GAP43: variants seen among roughly 807,000 people sequenced by gnomAD.
The protein encoded by GAP43 is growth associated protein 43.
Under a neutral mutation model 18.6 loss-of-function variants are expected in GAP43, and 6 were observed. The observed-to-expected ratio is 0.32, with a 90% CI of 0.18 to 0.64. The LOEUF (loss-of-function observed/expected upper bound fraction) is 0.64. GAP43 is among the 30% of genes least tolerant of loss of function. The pLI is 0.78. For synonymous variants in GAP43, 115 were observed against 111.4 expected (o/e 1.03, Z -0.20); for missense variants, 292 against 295.5 (o/e 0.99, Z 0.09).
intron 1 of GAP43, among the ~76,000 whole-genome samples, chr3:115,629,234 G>A (rs920230116): frequency 6.6e-6 from 1 of 152,136 alleles, no homozygotes. Flanking sequence ...TCTATGTGGA[G>A]TTCTACCACC....
At chr3:115,650,475 C>T (rs940132956) in intron 1 of GAP43, among the ~76,000 whole-genome samples, 2 of 152,036 alleles carry the variant, frequency 1.3e-5, no homozygotes, top group African/African-American at 2.4e-5. Context: ...CATCTGGGAT[C>T]CCCCTCTCTC....
intron 1 of GAP43, among the ~76,000 whole-genome samples, chr3:115,651,690 C>T (rs182648049): frequency 1.4e-4 from 22 of 152,272 alleles, no homozygotes; most frequent in African/African-American, 4.3e-4. Context: ...TTATCTGGCC[C>T]GTGCTTTTCT....
rs1708531283 is a variant in GAP43 at position 115,652,389 on chromosome 3, A to ATTTTTT, written c.31-23623_31-23622insTTTTTT. On this transcript the variant is annotated intron_variant, in intron 1 of 2. Transcript: ENST00000305124. The stretch of plus-strand genomic sequence containing the variant: ...TTTTTTTTTTTTTTTTTTTTTTGTG[A>ATTTTTT]TAGAGTCTTGCTCTGTTGAGTCTTG... 5.9e-3 allele frequency among the ~76,000 whole-genome samples: 150 copies of ATTTTTT among 25,566 alleles called. 1 individual carries two copies. Among genetic ancestry groups the ATTTTTT allele is most frequent in the African/African-American group, 9.4e-3 (81 of 8,608 alleles). The allele number at this position is 25,566 out of a possible 152,430, so 16.8% of individuals were successfully genotyped here.
intron 1 of GAP43, among the ~76,000 whole-genome samples, chr3:115,632,527 A>G (rs1452269024): frequency 6.6e-6 from 1 of 152,216 alleles, no homozygotes; most frequent in Non-Finnish European, 1.5e-5. Flanking sequence ...CATGACTGGG[A>G]TAAATTACCA....
chr3:115,629,339 C>G (rs1299701494), intron 1 of GAP43, among the ~76,000 whole-genome samples: 2 of 151,480 alleles, frequency 1.3e-5, no homozygotes, highest in East Asian at 3.9e-4. Context: ...AATATAAACT[C>G]TTCAGCATCA....
rs527761173 is a variant in GAP43, at chr3:115,669,352, C to T, written c.31-6661C>T. Among the ~76,000 whole-genome samples the T allele has an allele frequency of 4.6e-5, 7 of 152,188 alleles. No individual in the cohort carries two copies. In the South Asian group the frequency reaches 8.3e-4, roughly 18 times the overall value. ...GGATTTTAACAAAAATTGACAAAAT[C>T]GAATCCAGATTTCTTCACCTGTCAT... On this transcript the variant is annotated intron_variant, in intron 1 of 2. Coordinates refer to ENST00000305124, the MANE Select transcript of GAP43 (RefSeq NM_002045.4).
chr3:115,648,230 C>A (rs1245681117), intron 1 of GAP43, among the ~76,000 whole-genome samples: 11 of 152,060 alleles, frequency 7.2e-5, no homozygotes, highest in African/African-American at 2.4e-4. Flanking sequence ...GGACTGCTGG[C>A]TGTATACCTC....
intron 1 of GAP43, among the ~76,000 whole-genome samples, chr3:115,661,662 G>C (rs556976186): frequency 6.6e-6 from 1 of 151,644 alleles, no homozygotes; most frequent in African/African-American, 2.4e-5. Flanking sequence ...CTAATTTTTC[G>C]TATTTTTAGT....
chr3:115,698,098 TAA>T (rs1471398757), intron 2 of GAP43, among the ~76,000 whole-genome samples: 2 of 50,118 alleles, frequency 4.0e-5, no homozygotes, highest in South Asian at 5.4e-4. Flanking sequence ...GTATTATATA[TAA>T]TATATAAAAT....
At chr3:115,637,936 C>G (rs544297193) in intron 1 of GAP43, among the ~76,000 whole-genome samples, 2 of 151,940 alleles carry the variant, frequency 1.3e-5, no homozygotes, top group Admixed American at 6.6e-5. Flanking sequence ...AATAAAAAAC[C>G]TTTTCATTCC....
intron 1 of GAP43, among the ~76,000 whole-genome samples, chr3:115,635,130 T>C (rs1464730779): frequency 6.6e-6 from 1 of 152,072 alleles, no homozygotes; most frequent in East Asian, 1.9e-4. Context: ...AAATGCAACA[T>C]CTGCAATATT....
At chr3:115,651,657 G>C (rs1180972175) in intron 1 of GAP43, among the ~76,000 whole-genome samples, 4 of 152,120 alleles carry the variant, frequency 2.6e-5, no homozygotes, top group African/African-American at 9.7e-5. Context: ...CACCTCAAAA[G>C]CATATAGTAA....
At chr3:115,698,531 C>A (rs959702851) in intron 2 of GAP43, among the ~76,000 whole-genome samples, 1 of 150,640 alleles carries the variant, frequency 6.6e-6, no homozygotes, top group African/African-American at 2.4e-5. Flanking sequence ...CAGCTGTAGA[C>A]AATCTTTGGT....
At chr3:115,718,266 G>C (rs1056031198) in intron 2 of GAP43, among the ~76,000 whole-genome samples, 3 of 152,068 alleles carry the variant, frequency 2.0e-5, no homozygotes, top group Non-Finnish European at 4.4e-5. Flanking sequence ...TTGCTTCTTG[G>C]AACTGATAAG....
At chr3:115,681,577 G>A (rs535132304) in intron 2 of GAP43, among the ~76,000 whole-genome samples, 54 of 152,144 alleles carry the variant, frequency 3.5e-4, no homozygotes, top group Non-Finnish European at 6.2e-4. Context: ...CTACCAACCA[G>A]ATTTTAGGCA....
At chr3:115,678,199 G>T (rs1414356090) in intron 2 of GAP43, among the ~76,000 whole-genome samples, 1 of 152,136 alleles carries the variant, frequency 6.6e-6, no homozygotes, top group East Asian at 1.9e-4. Context: ...TGAGCCTCAG[G>T]TATGATGTCT....
intron 1 of GAP43, among the ~76,000 whole-genome samples, chr3:115,640,926 T>TC (rs1431267511): frequency 1.0e-5 from 1 of 100,498 alleles, no homozygotes; most frequent in African/African-American, 2.9e-5. Flanking sequence ...TCTTTCCTTC[T>TC]TTTTTTCCTT....
chr3:115,636,697 C>T (rs1372386069), intron 1 of GAP43, among the ~76,000 whole-genome samples: 1 of 152,072 alleles, frequency 6.6e-6, no homozygotes, highest in Non-Finnish European at 1.5e-5. Flanking sequence ...TCTTTGTTTA[C>T]AAGGTTAATT....
chr3:115,685,925 G>A (rs1278492396), intron 2 of GAP43, among the ~76,000 whole-genome samples: 1 of 152,168 alleles, frequency 6.6e-6, no homozygotes, highest in East Asian at 1.9e-4. Context: ...TGCCACCAAG[G>A]TGTAAACCAT....
Sources: allele counts gnomAD v4.1 joint callset (sites outside exome capture counted in the v4.1 genomes callset), GRCh38; gene constraint gnomAD v4.1.1; transcripts MANE v1.5; gene names NCBI Gene and HGNC (gene_info 2026-07-23, HGNC 2026-07-21).